The following EVC variants were observed in gnomAD, a reference collection of about 807,000 sequenced individuals.
EVC encodes the protein evC complex member EVC.
A neutral mutation model predicts 118.9 loss-of-function variants in EVC; 116 were observed. That is an observed-to-expected ratio of 0.98 (90% CI 0.84 to 1.14). The LOEUF is 1.14. Among genes scored for constraint, EVC ranks in the 50% most tolerant of loss-of-function variants. The pLI, the probability that EVC is intolerant of heterozygous loss-of-function variation, is 0.00. For synonymous variants in EVC, 619 were observed against 534.7 expected (o/e 1.16, Z -2.18); for missense variants, 1,401 against 1,246.4 (o/e 1.12, Z -1.87).
At chr4:5,760,250 T>C (rs1731803921) in intron 11 of EVC, among the ~76,000 whole-genome samples, 1 of 152,110 alleles carries the variant, frequency 6.6e-6, no homozygotes, top group Non-Finnish European at 1.5e-5. Context: ...CAGCGGGTGC[T>C]GGTAACTACA....
At chr4:5,818,173 C>T, downstream of EVC, among the ~76,000 whole-genome samples, 1 of 152,056 alleles carries the variant, frequency 6.6e-6, no homozygotes, top group East Asian at 1.9e-4. Flanking sequence ...ACCATTTTCA[C>T]TTGGTTCTCA....
rs1260220469 is a variant in EVC, at chr4:5,793,610, G to C, written c.1779G>C (p.Val593=). 3.2e-6 allele frequency: 5 copies of C among 1,551,910 alleles called. No homozygotes were observed. The highest frequency in any genetic ancestry group is 4.4e-6 in the Non-Finnish European group (5 of 1,147,106). ...FQELLEQDQQ[V]WMEECALSSV... Reference sequence around the variant, plus strand: ...CTGTCCCTCTGTCCCGAGTTCAGGTGTGGATGGAGGAGTGTGCGCTGTCCA... The same window carrying C: ...CTGTCCCTCTGTCCCGAGTTCAGGTCTGGATGGAGGAGTGTGCGCTGTCCA... The change falls in exon 13 of 21, where the codon GTG becomes GTC. Residue 593 remains valine, a splice_region_variant and synonymous_variant. Coordinates refer to ENST00000264956, the MANE Select transcript of EVC (RefSeq NM_153717.3).
rs558835775 is a variant in EVC at position 5,803,962 on chromosome 4, A to G, written c.2450-768A>G. ...CATCACCTTTTTTTTTTTTTTTGAG[A>G]CTGAGTCTCACTCAATCGCCCAGAC... On this transcript the variant is annotated intron_variant, in intron 16 of 20. Transcript: ENST00000264956. Among the ~76,000 whole-genome samples, 24 of 146,980 alleles carry G rather than the reference A, an allele frequency of 1.6e-4. No homozygotes were observed. In the South Asian group the frequency reaches 4.7e-3, roughly 29 times the overall value.
chr4:5,756,323 G>A lies in EVC; in HGVS notation c.1524G>A (p.Glu508=), dbSNP rs2152094941. The A allele has an allele frequency of 6.2e-7, 1 of 1,612,576 alleles. No homozygotes were observed. Residue 508 remains glutamate, a synonymous_variant, in exon 11 of 21, where the codon GAG becomes GAA. Coordinates refer to ENST00000264956, the MANE Select transcript of EVC (RefSeq NM_153717.3). This position sits in a 1 kb window ranked among gnomAD's most constrained non-coding sequence, Gnocchi z 4.2. The stretch of plus-strand genomic sequence containing the variant: ...TGCAGTGTGACCTGGAGGAAGAGGA[G>A]AATGTCAGAGCCACCGAGGCTGTGG... ...RLMQCDLEEE[E]NVRATEAVVA...
Position 5,756,072 on chromosome 4 carries a change from C to T in EVC, c.1465-192C>T, listed in dbSNP as rs957506649. Reference sequence around the variant, plus strand: ...GTGGTTTGTGGTGTTTCCTGGAAATCGGATTTGCTGACCCTGGCATCAGCT... The same window carrying T: ...GTGGTTTGTGGTGTTTCCTGGAAATTGGATTTGCTGACCCTGGCATCAGCT... On this transcript the variant is annotated intron_variant, in intron 10 of 20. Transcript: ENST00000264956. The surrounding 1 kb of genome is among the most constrained non-coding windows in gnomAD (Gnocchi z 4.2). Among the ~76,000 whole-genome samples the T allele has an allele frequency of 1.3e-5, 2 of 152,130 alleles. No individual in the cohort carries two copies. Among genetic ancestry groups the T allele is most frequent in the Non-Finnish European group, 1.5e-5 (1 of 68,014 alleles).
intron 11 of EVC, among the ~76,000 whole-genome samples, chr4:5,760,712 C>T (rs1375633459): frequency 6.6e-6 from 1 of 152,128 alleles, no homozygotes; most frequent in African/African-American, 2.4e-5. Context: ...GCCACCACGC[C>T]CAGCTAATTT....
chr4:5,756,029 G>GGC lies in EVC; in HGVS notation c.1465-234_1465-233dup, dbSNP rs777066236. 6.6e-6 allele frequency among the ~76,000 whole-genome samples: 1 copy of GGC among 152,088 alleles called. No homozygotes were observed. The highest frequency in any genetic ancestry group is 2.4e-5 in the African/African-American group (1 of 41,394). ...TGGTCCAGTGGCCCCTCCTCATCCTGGCTTTAACAAAAGCGTGGTGGTTTG... is the reference window on the plus strand; with the variant it reads ...TGGTCCAGTGGCCCCTCCTCATCCTGGCGCTTTAACAAAAGCGTGGTGGTTTG... On this transcript the variant is annotated intron_variant, in intron 10 of 20. Coordinates refer to ENST00000264956, the MANE Select transcript of EVC (RefSeq NM_153717.3). This position sits in a 1 kb window ranked among gnomAD's most constrained non-coding sequence, Gnocchi z 4.2.
Position 5,789,139 on chromosome 4 carries a change from C to T in EVC, c.1777-4469C>T, listed in dbSNP as rs553668843. On this transcript the variant is annotated intron_variant, in intron 12 of 20. Coordinates refer to ENST00000264956, the MANE Select transcript of EVC (RefSeq NM_153717.3). This position sits in a 1 kb window ranked among gnomAD's most constrained non-coding sequence, Gnocchi z 4.3. ...TGGAAATAATTGGGCATCTTACAGT[C>T]GTCAGCACAATAGATTTGATAGGGA... Among the ~76,000 whole-genome samples, 6 of 152,294 alleles carry T rather than the reference C, an allele frequency of 3.9e-5. No individual in the cohort carries two copies. In the South Asian group the frequency reaches 8.3e-4, roughly 21 times the overall value.
At chr4:5,748,418 G>T in intron 8 of EVC, 112 bp downstream of exon 8, 1 of 1,179,374 alleles carries the variant, frequency 8.5e-7, no homozygotes. Context: ...TGGTTATATA[G>T]AGCCTCAGGG....
At position 5,731,547 on chromosome 4, in the gene EVC, G is replaced by C; in HGVS notation, c.507G>C (p.Lys169Asn). 6.2e-7 allele frequency: 1 copy of C among 1,614,108 alleles called. No individual in the cohort carries two copies. The highest frequency in any genetic ancestry group is 8.5e-7 in the Non-Finnish European group (1 of 1,180,026). Residue 169 changes from lysine (K) to asparagine (N), a missense_variant, in exon 4 of 21, where the codon AAG (lysine) becomes AAC (asparagine). Physicochemically the swap from Lys to Asn is moderately conservative, Grantham distance 94. Coordinates refer to ENST00000264956, the MANE Select transcript of EVC (RefSeq NM_153717.3). The surrounding 1 kb of genome is among the most constrained non-coding windows in gnomAD (Gnocchi z 5.6). ...SSLGSLSQGE[K>N]DDCSSSSSVH... is the part of the protein sequence containing the mutation. ...TGGGGAGCCTGAGCCAGGGTGAGAA[G>C]GACGACTGCAGCTCCTCATCCAGCG...
chr4:5,793,856 C>A, intron 13 of EVC, 139 bp downstream of exon 13: 1 of 712,512 alleles, frequency 1.4e-6, no homozygotes, highest in Non-Finnish European at 2.6e-6. Context: ...CGTTTCTTAG[C>A]CTCGATTTCC....
chr4:5,777,640 T>A (rs1734898004), intron 11 of EVC, among the ~76,000 whole-genome samples: 1 of 152,188 alleles, frequency 6.6e-6, no homozygotes, highest in African/African-American at 2.4e-5. Flanking sequence ...ATCTTTTTCA[T>A]TCACCCCTAG....
At chr4:5,763,485 C>A (rs1445081348) in intron 11 of EVC, among the ~76,000 whole-genome samples, 1 of 117,662 alleles carries the variant, frequency 8.5e-6, no homozygotes, top group African/African-American at 3.2e-5. Flanking sequence ...TATAAATTAC[C>A]TTGGGCAGTA....
chr4:5,828,538 C>A, the EVC span: 3 of 1,614,230 alleles, frequency 1.9e-6, no homozygotes, highest in Non-Finnish European at 2.5e-6. Context: ...GAACGCCTTC[C>A]GCGGAATGAA....
rs1730022931 is a variant in EVC at position 5,749,478 on chromosome 4, C to G, written c.1098+1172C>G. Among the ~76,000 whole-genome samples, 2 of 152,158 alleles carry G rather than the reference C, an allele frequency of 1.3e-5. No homozygotes were observed. Among genetic ancestry groups the G allele is most frequent in the South Asian group, 4.1e-4 (2 of 4,826 alleles). Reference sequence around the variant, plus strand: ...GCGAATCCAGCTTTGACTCTGGGCTCTGTTGTTTGGAGCTGTGTGATCTTG... The same window carrying G: ...GCGAATCCAGCTTTGACTCTGGGCTGTGTTGTTTGGAGCTGTGTGATCTTG... On this transcript the variant is annotated intron_variant, in intron 8 of 20. Transcript: ENST00000264956. This position sits in a 1 kb window ranked among gnomAD's most constrained non-coding sequence, Gnocchi z 4.4.
Position 5,745,425 on chromosome 4 carries a change from A to G in EVC, c.939+84A>G, listed in dbSNP as rs16837617. 0.032 allele frequency: 46,551 copies of G among 1,435,074 alleles called. 1,168 individuals carry two copies. Among genetic ancestry groups the G allele is most frequent in the African/African-American group, 0.13 (9,153 of 71,052 alleles). 88.9% of individuals were successfully genotyped at this position (1,435,074 alleles called of 1,614,324 possible). Reference sequence around the variant, plus strand: ...GCTACATTAGAGAGATGATAGTTAGAAGTGTGCCTAATACTTGAATTCCCC... The same window carrying G: ...GCTACATTAGAGAGATGATAGTTAGGAGTGTGCCTAATACTTGAATTCCCC... On this transcript the variant is annotated intron_variant, in intron 7 of 20. Transcript: ENST00000264956.
chr4:5,753,686 C>T, intron 9 of EVC, 99 bp from the exon 10 acceptor site: 4 of 1,522,750 alleles, frequency 2.6e-6, no homozygotes, highest in South Asian at 2.3e-5. Flanking sequence ...CAGCCGACAC[C>T]AGCTTCCCCA....
the EVC span, among the ~76,000 whole-genome samples, chr4:5,823,398 C>T: frequency 3.3e-5 from 5 of 152,264 alleles, no homozygotes; most frequent in Admixed American, 3.3e-4. Flanking sequence ...TTACAACCAT[C>T]TGTACCTTGC....
chr4:5,727,395 C>T (rs1324483959), intron 2 of EVC, among the ~76,000 whole-genome samples: 1 of 151,914 alleles, frequency 6.6e-6, no homozygotes, highest in Admixed American at 6.5e-5. Flanking sequence ...TGTTCATGTC[C>T]TTCGCCCACT....
Sources: allele counts gnomAD v4.1 joint callset (sites outside exome capture counted in the v4.1 genomes callset), GRCh38; gene constraint gnomAD v4.1.1; non-coding constraint Gnocchi (gnomAD v3.1); transcripts MANE v1.5; gene names NCBI Gene and HGNC (gene_info 2026-07-23, HGNC 2026-07-21).